Variants in ROBO1 observed in about 807,000 individuals in gnomAD.
ROBO1 encodes the protein roundabout guidance receptor 1.
ROBO1 carries 149 observed loss-of-function variants against 195.9 expected under a neutral mutation model. The observed-to-expected ratio is 0.76, with a 90% CI of 0.67 to 0.87. The LOEUF is 0.87. ROBO1 is among the 40% of genes least tolerant of loss of function. ROBO1 has a pLI of 0.00. For missense variants in ROBO1, 1,933 were observed against 2,068.3 expected, an observed-to-expected ratio of 0.93 and a Z score of 1.27; for synonymous variants, 816 against 733.2, an observed-to-expected ratio of 1.11 and a Z score of -1.82.
At position 79,489,651 on chromosome 3, in the gene ROBO1, C is replaced by CA. The variant is rs11328226; in HGVS notation, c.88+100172dup. On this transcript the variant is annotated intron_variant, in intron 2 of 30. Coordinates refer to ENST00000464233, the MANE Select transcript of ROBO1 (RefSeq NM_002941.4). Reference sequence around the variant, plus strand: ...GCCTGGGGAGAGTGAGACTTCATCTCAAAAAAAAAAAAAAAAAAGAAAGAA... The same window carrying CA: ...GCCTGGGGAGAGTGAGACTTCATCTCAAAAAAAAAAAAAAAAAAAGAAAGAA... Among the ~76,000 whole-genome samples the CA allele has an allele frequency of 9.2e-3, 811 of 88,490 alleles. 21 individuals are homozygous for CA. Among genetic ancestry groups the CA allele is most frequent in the African/African-American group, 0.019 (475 of 24,504 alleles). 58.1% of individuals were successfully genotyped at this position (88,490 alleles called of 152,430 possible).
chr3:78,950,294 A>T (rs1022526512), intron 3 of ROBO1, among the ~76,000 whole-genome samples: 16 of 152,072 alleles, frequency 1.1e-4, no homozygotes, highest in Non-Finnish European at 2.1e-4. Context: ...GGATTAAGAA[A>T]ATGCGGCACG....
At chr3:79,121,189 A>G (rs2080109519) in intron 3 of ROBO1, among the ~76,000 whole-genome samples, 1 of 152,128 alleles carries the variant, frequency 6.6e-6, no homozygotes, top group Admixed American at 6.6e-5. Context: ...GCATGCGTGT[A>G]GTAATAATGA....
intron 3 of ROBO1, among the ~76,000 whole-genome samples, chr3:79,068,751 C>T (rs537606120): frequency 3.3e-5 from 5 of 151,844 alleles, no homozygotes; most frequent in Admixed American, 6.6e-5. Context: ...AAAATCATCG[C>T]CTTATCAGCC....
chr3:78,682,273 G>C (rs1328136756), intron 10 of ROBO1, among the ~76,000 whole-genome samples: 2 of 151,038 alleles, frequency 1.3e-5, no homozygotes, highest in Non-Finnish European at 2.9e-5. Flanking sequence ...CTGAAGGAAA[G>C]ACATAAAACT....
chr3:78,644,558 G>A (rs1463656498), intron 21 of ROBO1, among the ~76,000 whole-genome samples: 1 of 152,088 alleles, frequency 6.6e-6, no homozygotes, highest in East Asian at 1.9e-4. Context: ...CTTACTATTT[G>A]AAATAAATCA....
chr3:79,214,775 CAT>C (rs142556647), intron 2 of ROBO1, among the ~76,000 whole-genome samples: 2,733 of 142,194 alleles, frequency 0.019, 83 homozygotes, highest in African/African-American at 0.064. Flanking sequence ...TATATTATAG[CAT>C]ATATATATAT....
chr3:79,736,683 C>T (rs1703403438), intron 1 of ROBO1, among the ~76,000 whole-genome samples: 1 of 152,166 alleles, frequency 6.6e-6, no homozygotes, highest in Non-Finnish European at 1.5e-5. Flanking sequence ...CTCCTGAGAT[C>T]ATCCAAGTTG....
intron 2 of ROBO1, among the ~76,000 whole-genome samples, chr3:79,257,073 G>T (rs969827765): frequency 1.3e-5 from 2 of 152,008 alleles, no homozygotes; most frequent in Non-Finnish European, 2.9e-5. Flanking sequence ...AGTCCCTATG[G>T]GATAACTAAC....
At chr3:79,204,927 GTTTT>G (rs1185723536) in intron 2 of ROBO1, among the ~76,000 whole-genome samples, 1 of 151,554 alleles carries the variant, frequency 6.6e-6, no homozygotes. Flanking sequence ...TTGTTTGTTT[GTTTT>G]TTAACTTTAT....
chr3:78,677,370 C>T (rs1297191070), intron 10 of ROBO1, among the ~76,000 whole-genome samples: 1 of 152,224 alleles, frequency 6.6e-6, no homozygotes, highest in South Asian at 2.1e-4. Flanking sequence ...TTAAAAGACA[C>T]AGACTGGCAA....
chr3:79,603,503 T>C (rs941761802), intron 1 of ROBO1, among the ~76,000 whole-genome samples: 7 of 151,950 alleles, frequency 4.6e-5, no homozygotes, highest in Admixed American at 3.9e-4. Context: ...ATGTGAGTAA[T>C]CACTTGAGAT....
chr3:78,719,389 C>T (rs530649586), intron 5 of ROBO1, among the ~76,000 whole-genome samples: 10 of 151,866 alleles, frequency 6.6e-5, no homozygotes, highest in Middle Eastern at 3.4e-3. Context: ...ATAAAGAAAA[C>T]GTCACACAAA....
At chr3:79,166,358 C>T (rs992758352) in intron 2 of ROBO1, among the ~76,000 whole-genome samples, 1 of 152,098 alleles carries the variant, frequency 6.6e-6, no homozygotes, top group African/African-American at 2.4e-5. Context: ...ACTGCAGATA[C>T]TGAATATTCA....
At chr3:78,962,010 T>C (rs1267305976) in intron 3 of ROBO1, among the ~76,000 whole-genome samples, 2 of 152,046 alleles carry the variant, frequency 1.3e-5, no homozygotes, top group Non-Finnish European at 2.9e-5. Flanking sequence ...GAGGTTAATA[T>C]AGCATGTTAA....
intron 1 of ROBO1, among the ~76,000 whole-genome samples, chr3:79,763,144 G>C (rs781610308): frequency 1.4e-4 from 22 of 152,030 alleles, no homozygotes; most frequent in Non-Finnish European, 3.2e-4. Flanking sequence ...TGGAAATATA[G>C]GTATGACAAT....
At chr3:78,660,958 TTTAAA>T (rs1204696605) in intron 16 of ROBO1, 67 bp downstream of exon 16, 3 of 1,022,968 alleles carry the variant, frequency 2.9e-6, no homozygotes, top group Admixed American at 2.6e-5. Flanking sequence ...ATTATAACAA[TTTAAA>T]TTAAGCTAAT....
At chr3:79,476,518 T>A (rs1001111374) in intron 2 of ROBO1, among the ~76,000 whole-genome samples, 29 of 151,910 alleles carry the variant, frequency 1.9e-4, no homozygotes, top group African/African-American at 6.5e-4. Flanking sequence ...CAAATACCCA[T>A]CAATCAACGA....
At chr3:78,608,500 T>G (rs1228502286) in intron 28 of ROBO1, among the ~76,000 whole-genome samples, 1 of 152,178 alleles carries the variant, frequency 6.6e-6, no homozygotes, top group Admixed American at 6.5e-5. Flanking sequence ...AGTGCTATCT[T>G]TAAAAATCAT....
intron 4 of ROBO1, among the ~76,000 whole-genome samples, chr3:78,793,851 C>T (rs1218247190): frequency 1.3e-5 from 2 of 151,650 alleles, no homozygotes; most frequent in Non-Finnish European, 2.9e-5. Context: ...AGGCAATTTT[C>T]TATGACCGAA....
Sources: gnomAD v4.1 joint callset for allele counts (sites outside exome capture counted in the v4.1 genomes callset) on GRCh38, gnomAD v4.1.1 for gene constraint, MANE v1.5 for transcripts, NCBI Gene and HGNC (gene_info 2026-07-23, HGNC 2026-07-21) for gene names.